Variants in PHACTR1 observed in about 807,000 individuals in gnomAD.
The protein encoded by PHACTR1 is RPEL repeat containing 1.
In PHACTR1, 16 loss-of-function variants were observed where a neutral mutation model predicts 69.2. The ratio of observed to expected loss-of-function variants is 0.23; its 90% CI spans 0.16 to 0.35. The LOEUF (loss-of-function observed/expected upper bound fraction) is 0.35. Among genes scored for constraint, PHACTR1 ranks in the 10% least tolerant of loss-of-function variants. The probability of loss-of-function intolerance (pLI) is 1.00; values close to 1 mark genes in which losing one functional copy is unlikely to be tolerated. For missense variants in PHACTR1, 510 were observed against 734.7 expected (o/e 0.69, Z 3.54); for synonymous variants, 312 against 284.5 (o/e 1.10, Z -0.97).
chr6:12,956,256 G>C (rs1403057331), intron 4 of PHACTR1, among the ~76,000 whole-genome samples: 1 of 152,218 alleles, frequency 6.6e-6, no homozygotes, highest in Non-Finnish European at 1.5e-5. Flanking sequence ...TAGTTCATCT[G>C]CGCTTTGACA....
chr6:13,045,355 G>A (rs1370946323), intron 4 of PHACTR1, among the ~76,000 whole-genome samples: 1 of 152,094 alleles, frequency 6.6e-6, no homozygotes, highest in African/African-American at 2.4e-5. Context: ...TAGCTGTTAT[G>A]GATGCTGTCA....
chr6:13,214,557 G>A (rs536758494), intron 8 of PHACTR1, among the ~76,000 whole-genome samples: 8 of 152,118 alleles, frequency 5.3e-5, no homozygotes, highest in African/African-American at 1.9e-4. Context: ...GTAGGGAATC[G>A]TATTTGATAG....
chr6:13,262,625 A>C (rs966967214), intron 10 of PHACTR1, among the ~76,000 whole-genome samples: 4 of 152,194 alleles, frequency 2.6e-5, no homozygotes, highest in Non-Finnish European at 5.9e-5. Context: ...CCCAATCCTC[A>C]TGGAACTCAT....
intron 4 of PHACTR1, chr6:12,957,279 C>T: frequency 1.3e-6 from 1 of 786,722 alleles, no homozygotes; most frequent in Non-Finnish European, 1.5e-6. Context: ...AAAAAAAGCC[C>T]AGGCTGTGAG....
At chr6:13,018,505 G>A (rs767757393) in intron 4 of PHACTR1, among the ~76,000 whole-genome samples, 15 of 152,116 alleles carry the variant, frequency 9.9e-5, no homozygotes, top group African/African-American at 3.4e-4. Flanking sequence ...TATTAGCTGC[G>A]ATTGCTAGCG....
chr6:13,169,506 T>A (rs75371799), intron 6 of PHACTR1, among the ~76,000 whole-genome samples: 3,370 of 152,014 alleles, frequency 0.022, 119 homozygotes, highest in African/African-American at 0.073. Flanking sequence ...ACATTTAATG[T>A]TTGGGGAGTA....
At chr6:13,243,176 T>C (rs925101609) in intron 10 of PHACTR1, among the ~76,000 whole-genome samples, 3 of 152,172 alleles carry the variant, frequency 2.0e-5, no homozygotes, top group African/African-American at 4.8e-5. Context: ...GAACATCTGA[T>C]TCTGAGGTTT....
At chr6:13,162,126 G>A (rs994629963) in intron 6 of PHACTR1, among the ~76,000 whole-genome samples, 2 of 151,536 alleles carry the variant, frequency 1.3e-5, no homozygotes, top group African/African-American at 4.9e-5. Context: ...TTGAGACAGA[G>A]CCTCCCTCTG....
chr6:13,195,273 G>C (rs1029116177), intron 7 of PHACTR1, among the ~76,000 whole-genome samples: 1 of 152,150 alleles, frequency 6.6e-6, no homozygotes, highest in Admixed American at 6.5e-5. Context: ...TCTTCAGGTG[G>C]AGTACCTATA....
intron 5 of PHACTR1, among the ~76,000 whole-genome samples, chr6:13,080,462 C>G (rs895299621): frequency 1.3e-5 from 2 of 152,100 alleles, no homozygotes; most frequent in African/African-American, 2.4e-5. Flanking sequence ...AGTTCATTAA[C>G]CAACTAAACC....
chr6:12,969,612 T>C (rs1196595781), intron 4 of PHACTR1, among the ~76,000 whole-genome samples: 2 of 152,062 alleles, frequency 1.3e-5, no homozygotes, highest in South Asian at 2.1e-4. Context: ...AGACACATAA[T>C]TGAGAACTCA....
intron 4 of PHACTR1, among the ~76,000 whole-genome samples, chr6:12,765,641 C>G (rs1028615218): frequency 6.6e-6 from 1 of 152,166 alleles, no homozygotes; most frequent in African/African-American, 2.4e-5. Context: ...TCAGAGCTGC[C>G]TACAAGCCCG....
intron 4 of PHACTR1, chr6:12,957,283 C>G: frequency 1.6e-5 from 10 of 623,208 alleles, no homozygotes; most frequent in East Asian, 1.4e-4. Flanking sequence ...AAAGCCCAGG[C>G]TGTGAGTTCC....
At chr6:12,742,828 T>C (rs928930354) in intron 3 of PHACTR1, among the ~76,000 whole-genome samples, 1 of 152,158 alleles carries the variant, frequency 6.6e-6, no homozygotes, top group Non-Finnish European at 1.5e-5. Context: ...GCAAGGGTCA[T>C]TCATAACTCT....
Position 13,155,506 on chromosome 6 carries a change from T to C in PHACTR1, c.416-4698T>C, listed in dbSNP as rs574829903. On this transcript the variant is annotated intron_variant, in intron 5 of 14. Coordinates refer to ENST00000332995, the MANE Select transcript of PHACTR1 (RefSeq NM_030948.6). The stretch of plus-strand genomic sequence containing the variant: ...CTGCTGCAGAACACTTTGACCCCAC[T>C]GAAACTTAGCTCCGACTTTGGAAGA... Among the ~76,000 whole-genome samples the C allele has an allele frequency of 5.9e-5, 9 of 152,270 alleles. No homozygotes were observed. In the East Asian group the frequency reaches 1.7e-3, roughly 29 times the overall value.
At chr6:12,824,639 A>G (rs1776589525) in intron 4 of PHACTR1, among the ~76,000 whole-genome samples, 1 of 152,250 alleles carries the variant, frequency 6.6e-6, no homozygotes, top group African/African-American at 2.4e-5. Flanking sequence ...CATGGAGGCT[A>G]GAAATAAAGT....
At chr6:12,880,114 A>T (rs1457067554) in intron 4 of PHACTR1, among the ~76,000 whole-genome samples, 1 of 152,130 alleles carries the variant, frequency 6.6e-6, no homozygotes, top group East Asian at 1.9e-4. Context: ...AGGTACTATG[A>T]TCACCAAGTC....
intron 4 of PHACTR1, among the ~76,000 whole-genome samples, chr6:12,750,204 C>G (rs922080916): frequency 6.6e-6 from 1 of 152,128 alleles, no homozygotes; most frequent in Non-Finnish European, 1.5e-5. Context: ...TTGGCTTTGA[C>G]GGGTTGACGC....
chr6:12,857,600 T>TA (rs1780525924), intron 4 of PHACTR1, among the ~76,000 whole-genome samples: 1 of 83,050 alleles, frequency 1.2e-5, no homozygotes, highest in African/African-American at 3.2e-5. Context: ...AGACTCCATC[T>TA]TAAAAAAAAA....
Sources: gnomAD v4.1 joint callset for allele counts (sites outside exome capture counted in the v4.1 genomes callset) on GRCh38, gnomAD v4.1.1 for gene constraint, MANE v1.5 for transcripts, NCBI Gene and HGNC (gene_info 2026-07-23, HGNC 2026-07-21) for gene names.